Variants in FHL1 observed in about 807,000 individuals in gnomAD.
FHL1 encodes four and a half LIM domains 1.
FHL1 carries 1 observed loss-of-function variant against 20.3 expected under a neutral mutation model. That is an observed-to-expected ratio of 0.05 (90% CI 0.02 to 0.23). FHL1 has a LOEUF of 0.23. FHL1 is among the 10% of genes least tolerant of loss of function. The probability of loss-of-function intolerance (pLI) is 1.00; values close to 1 mark genes in which losing one functional copy is unlikely to be tolerated. For missense variants in FHL1, 177 were observed against 234.0 expected (o/e 0.76, Z 1.59); for synonymous variants, 82 against 88.9 (o/e 0.92, Z 0.44).
At chrX:136,209,024 CCCCA>C (rs2073932680) in intron 5 of FHL1, 1 of 431,558 alleles carries the variant, frequency 2.3e-6, no homozygotes, top group Admixed American at 4.2e-5. Context: ...GATTGTAATA[CCCCA>C]TAGCTGAAGG....
intron 2 of FHL1, among the ~76,000 whole-genome samples, chrX:136,175,458 T>C (rs996684407): frequency 1.8e-5 from 2 of 112,366 alleles, no homozygotes; most frequent in African/African-American, 6.5e-5. Context: ...CTAGTAATCA[T>C]ACTTTGGGAA....
chrX:136,151,812 C>T (rs2072272088), intron 1 of FHL1, among the ~76,000 whole-genome samples: 1 of 111,968 alleles, frequency 8.9e-6, no homozygotes, highest in Admixed American at 9.5e-5. Context: ...TACTCTGTGC[C>T]AGAGGACTTG....
At chrX:136,200,600 A>G (rs2073683012) in intron 1 of FHL1, among the ~76,000 whole-genome samples, 1 of 112,243 alleles carries the variant, frequency 8.9e-6, no homozygotes, top group African/African-American at 3.2e-5. Context: ...CCATCTGTCA[A>G]TCAACAGGCA....
chrX:136,152,116 T>C (rs2072279846), intron 1 of FHL1, among the ~76,000 whole-genome samples: 1 of 112,019 alleles, frequency 8.9e-6, no homozygotes, highest in South Asian at 3.7e-4. Context: ...TTGGAGTAAG[T>C]GACAAGGAGT....
chrX:136,202,257 C>T (rs1237006982), intron 1 of FHL1, among the ~76,000 whole-genome samples: 1 of 111,601 alleles, frequency 9.0e-6, no homozygotes, highest in Non-Finnish European at 1.9e-5. Context: ...CCTAGCTACT[C>T]AGGAGGCTAA....
At chrX:136,148,397 T>G (rs754396749) in intron 1 of FHL1, 8 of 12,013 alleles carry the variant, frequency 6.7e-4, no homozygotes, top group Non-Finnish European at 1.2e-3. Context: ...GGCGCGGGTT[T>G]GGCGAATGGG....
At chrX:136,161,848 C>T (rs186758825) in intron 1 of FHL1, among the ~76,000 whole-genome samples, 543 of 111,886 alleles carry the variant, frequency 4.9e-3, no homozygotes, top group South Asian at 8.6e-3. Context: ...CAAGGCCGGG[C>T]GTGGTGGCTC....
chrX:136,206,700 A>ACCTTGAGGCTT, intron 2 of FHL1, 112 bp downstream of exon 2: 2 of 1,001,860 alleles, frequency 2.0e-6, no homozygotes, highest in Non-Finnish European at 2.8e-6. Context: ...CACTGCAGCC[A>ACCTTGAGGCTT]CCTTGAGGCC....
intron 2 of FHL1, among the ~76,000 whole-genome samples, chrX:136,188,569 A>G (rs1434342138): frequency 1.8e-5 from 2 of 111,499 alleles, no homozygotes; most frequent in African/African-American, 6.5e-5. Flanking sequence ...CTGCTCATGC[A>G]TGGAGAGTGA....
At chrX:136,193,706 C>T (rs753371390), upstream of FHL1, among the ~76,000 whole-genome samples, 126 of 110,512 alleles carry the variant, frequency 1.1e-3, no homozygotes, top group African/African-American at 3.6e-3. Context: ...TTTTTCCTTT[C>T]CATGCCCATT....
At chrX:136,176,828 C>T (rs2073014439) in intron 2 of FHL1, among the ~76,000 whole-genome samples, 1 of 110,967 alleles carries the variant, frequency 9.0e-6, no homozygotes, top group African/African-American at 3.3e-5. Context: ...GTAACATCTC[C>T]TAACTTTTCC....
At chrX:136,155,599 C>G (rs1176048748) in intron 1 of FHL1, among the ~76,000 whole-genome samples, 1 of 111,297 alleles carries the variant, frequency 9.0e-6, no homozygotes, top group Non-Finnish European at 1.9e-5. Flanking sequence ...AGTTTTTGCT[C>G]CTGTTCCTTA....
At chrX:136,169,405 C>T (rs746206305), upstream of FHL1, 32 of 163,412 alleles carry the variant, frequency 2.0e-4, no homozygotes, top group South Asian at 3.8e-3. Context: ...CACAGGGCAC[C>T]TCGTCTCCAT....
intron 3 of FHL1, chrX:136,207,478 T>C: frequency 7.0e-6 from 3 of 430,003 alleles, no homozygotes; most frequent in East Asian, 7.7e-5. Context: ...GAAAGCATGC[T>C]TCTTCCTCAG....
At chrX:136,169,257 C>T, upstream of FHL1, 2 of 120,931 alleles carry the variant, frequency 1.7e-5, no homozygotes, top group Non-Finnish European at 3.4e-5. Flanking sequence ...CATGTCGTAG[C>T]GGGCCATATT....
rs1441809540 is a variant in FHL1, at chrX:136,210,407, C to T, written c.*382C>T. On this transcript the variant is annotated 3_prime_UTR_variant, in exon 6 of 6. Transcript: ENST00000370683. ...CTCTCATGCCTCAGCTGGGACCCAC[C>T]GTGTAGACACACGACATGCAAGAGT... The T allele has an allele frequency of 1.5e-5, 6 of 393,945 alleles. No homozygotes were observed. Among genetic ancestry groups the T allele is most frequent in the South Asian group, 5.2e-5 (2 of 38,832 alleles). The allele number at this position is 393,945 out of a possible 1,213,427, so 32.5% of individuals were successfully genotyped here.
intron 1 of FHL1, among the ~76,000 whole-genome samples, chrX:136,150,982 A>G (rs188677593): frequency 1.8e-5 from 2 of 112,526 alleles, no homozygotes; most frequent in African/African-American, 3.2e-5. Flanking sequence ...TCTGGGGTCA[A>G]CTTTGAATTA....
chrX:136,190,775 A>G (rs1603263121), intron 2 of FHL1, among the ~76,000 whole-genome samples: 1 of 112,095 alleles, frequency 8.9e-6, no homozygotes, highest in East Asian at 2.8e-4. Context: ...GGTACAAGGA[A>G]TAGTGCCTTC....
intron 1 of FHL1, among the ~76,000 whole-genome samples, chrX:136,197,696 C>T (rs930517326): frequency 8.9e-6 from 1 of 112,613 alleles, no homozygotes; most frequent in African/African-American, 3.2e-5. Context: ...AAAAGGGGCA[C>T]ATTTTGGACT....
Sources: allele counts gnomAD v4.1 joint callset (sites outside exome capture counted in the v4.1 genomes callset), GRCh38; gene constraint gnomAD v4.1.1; transcripts MANE v1.5; gene names NCBI Gene and HGNC (gene_info 2026-07-23, HGNC 2026-07-21).